The following ZNF577 variants were observed in gnomAD, a reference collection of about 807,000 sequenced individuals.
ZNF577 encodes the protein zinc finger protein 577.
ZNF577 carries 14 observed loss-of-function variants against 13.9 expected under a neutral mutation model. The observed-to-expected ratio is 1.00, with a 90% confidence interval of 0.66 to 1.57. ZNF577 has a LOEUF of 1.57. Ranked by LOEUF, ZNF577 falls within the 40% of genes most tolerant of loss-of-function variation. The pLI, the probability that ZNF577 is intolerant of heterozygous loss-of-function variation, is 0.00. For synonymous variants in ZNF577, 203 were observed against 202.9 expected (o/e 1.00, Z 0.00); for missense variants, 555 against 579.2 (o/e 0.96, Z 0.43).
intron 9 of ZNF577, among the ~76,000 whole-genome samples, chr19:51,835,938 C>G (rs530298782): frequency 6.6e-6 from 1 of 152,324 alleles, no homozygotes; most frequent in Non-Finnish European, 1.5e-5. Flanking sequence ...GGTGATCCAC[C>G]TGCCTTGGCC....
intron 9 of ZNF577, chr19:51,839,803 TC>T (rs2122538157): frequency 6.6e-6 from 1 of 152,268 alleles, no homozygotes; most frequent in South Asian, 2.1e-4. Flanking sequence ...CACTGACCAT[TC>T]CCTGAAGCCT....
intron 6 of ZNF577, among the ~76,000 whole-genome samples, chr19:51,843,897 G>A (rs1216929072): frequency 1.3e-5 from 2 of 152,116 alleles, no homozygotes; most frequent in African/African-American, 4.8e-5. Context: ...GGCAACATAT[G>A]TATCTGTATT....
At chr19:51,841,155 G>A (rs554703957) in intron 8 of ZNF577, among the ~76,000 whole-genome samples, 152 of 152,320 alleles carry the variant, frequency 1.0e-3, no homozygotes, top group Non-Finnish European at 1.9e-3. Flanking sequence ...CTGGGAGAAA[G>A]TGCAAGGAAC....
intron 6 of ZNF577, among the ~76,000 whole-genome samples, chr19:51,844,436 C>T (rs947717257): frequency 3.9e-5 from 6 of 152,246 alleles, no homozygotes; most frequent in Admixed American, 1.3e-4. Flanking sequence ...ATTTTATGTG[C>T]TTTCTCCTTC....
At chr19:51,818,728 A>G (rs567607583) in intron 9 of ZNF577, among the ~76,000 whole-genome samples, 2 of 152,354 alleles carry the variant, frequency 1.3e-5, no homozygotes, top group East Asian at 3.9e-4. Context: ...CAGGGAATCA[A>G]GGAGTCCACC....
intron 9 of ZNF577, among the ~76,000 whole-genome samples, chr19:51,815,473 T>C (rs2084128445): frequency 6.6e-6 from 1 of 151,712 alleles, no homozygotes; most frequent in Admixed American, 6.6e-5. Context: ...GGCAGGAGAA[T>C]TGCTTGAACT....
At chr19:51,866,727 A>G (rs2084568352), downstream of ZNF577, among the ~76,000 whole-genome samples, 1 of 152,234 alleles carries the variant, frequency 6.6e-6, no homozygotes, top group African/African-American at 2.4e-5. Flanking sequence ...CATGCCTATA[A>G]TTCCAGCACT....
rs73061066 is a variant in ZNF577 at position 51,814,238 on chromosome 19, T to C, written c.*600-2564A>G. ...TTGTGTTGTTTCAGCCGGAGGACAA[T>C]GTCCTGATGTTGCTTAAAATCTCAG... On this transcript the variant is annotated intron_variant and NMD_transcript_variant, in intron 9 of 10. Coordinates refer to the ZNF577 transcript ENST00000638827. Among the ~76,000 whole-genome samples the C allele has an allele frequency of 3.0e-3, 460 of 152,304 alleles. 2 individuals carry two copies. Among genetic ancestry groups the C allele is most frequent in the Non-Finnish European group, 5.4e-3 (367 of 68,018 alleles).
intron 5 of ZNF577, among the ~76,000 whole-genome samples, chr19:51,849,663 G>A (rs1444936049): frequency 6.6e-6 from 1 of 152,138 alleles, no homozygotes; most frequent in East Asian, 1.9e-4. Context: ...TTAAGGAAAC[G>A]ATACTGGAAC....
intron 3 of ZNF577, among the ~76,000 whole-genome samples, chr19:51,879,628 T>C (rs2084829369): frequency 6.6e-6 from 1 of 152,194 alleles, no homozygotes; most frequent in Non-Finnish European, 1.5e-5. Flanking sequence ...TACACAAGTA[T>C]GTATACATAA....
intron 9 of ZNF577, chr19:51,823,843 T>A: frequency 6.2e-7 from 1 of 1,614,030 alleles, no homozygotes; most frequent in Non-Finnish European, 8.5e-7. Flanking sequence ...TCATTGCTAG[T>A]CCACGGAGTC....
intron 1 of ZNF577, among the ~76,000 whole-genome samples, chr19:51,881,407 C>G (rs576785793): frequency 6.6e-6 from 1 of 152,338 alleles, no homozygotes; most frequent in South Asian, 2.1e-4. Flanking sequence ...GTTTATTGCA[C>G]TGTCTTACTA....
At chr19:51,807,343 G>A (rs1251165128) in intron 10 of ZNF577, among the ~76,000 whole-genome samples, 1 of 152,180 alleles carries the variant, frequency 6.6e-6, no homozygotes, top group African/African-American at 2.4e-5. Flanking sequence ...GCCAGGGAGT[G>A]AGGCCCTCCA....
intron 8 of ZNF577, among the ~76,000 whole-genome samples, chr19:51,840,347 T>G (rs943798353): frequency 1.3e-5 from 2 of 152,118 alleles, no homozygotes; most frequent in African/African-American, 4.8e-5. Context: ...GCAGCCATAT[T>G]TGAAAAAGTT....
Position 51,873,508 on chromosome 19 carries a change from C to G in ZNF577, c.482G>C (p.Ser161Thr). 1 of 1,614,220 alleles carries G rather than the reference C, an allele frequency of 6.2e-7. No homozygotes were observed. The highest frequency in any genetic ancestry group is 8.5e-7 in the Non-Finnish European group (1 of 1,180,038). ...CCTGGAGAAGGCTCTCCCGCACACA[C>G]TGCATTCATGTGGTTTCCCTCCTGC... ...ICAGGKPHEC[S>T]VCGRAFSRKA... Residue 161 changes from serine to threonine, a missense_variant, in exon 6 of 6, where the codon AGT (serine) becomes ACT (threonine). By Grantham distance (58) the Ser-to-Thr change is moderately conservative. Transcript: ENST00000638348.
rs1489151015 is a variant in ZNF577 at position 51,882,980 on chromosome 19, CT to C, written c.-218-2104del. On this transcript the variant is annotated intron_variant, in intron 1 of 5. Coordinates refer to ENST00000638348, the MANE Select transcript of ZNF577 (RefSeq NM_001370449.1). ...GTATCAGGGTATCATTTTGTGTGGGCTTTTTAAAAAAAATTTTTTTTTTTTT... is the reference window on the plus strand; with the variant it reads ...GTATCAGGGTATCATTTTGTGTGGGCTTTTAAAAAAAATTTTTTTTTTTTT... 3.4e-5 allele frequency among the ~76,000 whole-genome samples: 5 copies of C among 147,674 alleles called. No individual in the cohort carries two copies. The East Asian group carries it at 1.0e-3, about 30-fold the overall frequency.
chr19:51,816,022 G>A (rs529596852), intron 9 of ZNF577, among the ~76,000 whole-genome samples: 1 of 151,402 alleles, frequency 6.6e-6, no homozygotes, highest in Non-Finnish European at 1.5e-5. Context: ...AGCTGTGACT[G>A]CACCACTACA....
At position 51,867,801 on chromosome 19, in the gene ZNF577, A is replaced by G. The variant is rs995490512; in HGVS notation, c.*4731T>C. 1.3e-5 allele frequency among the ~76,000 whole-genome samples: 2 copies of G among 152,042 alleles called. No individual in the cohort carries two copies. The highest frequency in any genetic ancestry group is 2.9e-5 in the Non-Finnish European group (2 of 68,006). On this transcript the variant is annotated 3_prime_UTR_variant, in exon 6 of 6. Transcript: ENST00000638348. Reference sequence around the variant, plus strand: ...CTCCATCTCAAATAAACAAAAAACAAAAACAAGCAAACAAACAAAAAGAAC... The same window carrying G: ...CTCCATCTCAAATAAACAAAAAACAGAAACAAGCAAACAAACAAAAAGAAC...
At chr19:51,837,505 A>G (rs1381338621) in intron 9 of ZNF577, among the ~76,000 whole-genome samples, 3 of 152,328 alleles carry the variant, frequency 2.0e-5, no homozygotes, top group Non-Finnish European at 2.9e-5. Flanking sequence ...AAGCCCAAGT[A>G]ACCATACAGG....
Sources: allele counts gnomAD v4.1 joint callset (sites outside exome capture counted in the v4.1 genomes callset), GRCh38; gene constraint gnomAD v4.1.1; transcripts MANE v1.5; gene names NCBI Gene and HGNC (gene_info 2026-07-23, HGNC 2026-07-21).